TJP2: variants seen among roughly 807,000 people sequenced by gnomAD.
The protein encoded by TJP2 is tight junction protein 2.
In TJP2, 91 loss-of-function variants were observed where a neutral mutation model predicts 133.1. That is an observed-to-expected ratio of 0.68 (90% CI 0.58 to 0.81). TJP2 has a LOEUF of 0.81. Ranked by LOEUF, TJP2 falls within the 40% of genes least tolerant of loss-of-function variation. TJP2 has a pLI of 0.00. For synonymous variants in TJP2, 592 were observed against 583.4 expected, an observed-to-expected ratio of 1.01 and a Z score of -0.21; for missense variants, 1,541 against 1,565.6, an observed-to-expected ratio of 0.98 and a Z score of 0.26.
chr9:69,133,546 CTTTT>C (rs10577570), intron 1 of TJP2, among the ~76,000 whole-genome samples: 3 of 104,782 alleles, frequency 2.9e-5, no homozygotes, highest in Admixed American at 1.1e-4. Context: ...ATTTTTCTGG[CTTTT>C]TTTTTTTTTT....
At chr9:69,135,231 A>T (rs909467121) in intron 1 of TJP2, among the ~76,000 whole-genome samples, 2 of 152,184 alleles carry the variant, frequency 1.3e-5, no homozygotes, top group African/African-American at 4.8e-5. Flanking sequence ...CACTCTTAAT[A>T]GCTCTTTGAA....
chr9:69,168,979 T>C (rs996536817), intron 2 of TJP2, among the ~76,000 whole-genome samples: 6 of 150,790 alleles, frequency 4.0e-5, no homozygotes, highest in African/African-American at 1.5e-4. Context: ...AACTGGTGTT[T>C]GGACTGAGGA....
chr9:69,253,936 G>A (rs888055551), intron 22 of TJP2: 4 of 495,414 alleles, frequency 8.1e-6, no homozygotes, highest in South Asian at 4.1e-5. Context: ...AGGGAGCTTA[G>A]GGGTAAGGAG....
intron 17 of TJP2, among the ~76,000 whole-genome samples, chr9:69,240,848 G>A (rs1246671855): frequency 6.6e-6 from 1 of 151,542 alleles, no homozygotes; most frequent in Non-Finnish European, 1.5e-5. Flanking sequence ...TCTGAATATT[G>A]GATGATTTAA....
At chr9:69,226,285 A>G in intron 7 of TJP2, 110 bp downstream of exon 7, 1 of 1,229,284 alleles carries the variant, frequency 8.1e-7, no homozygotes, top group Non-Finnish European at 1.2e-6. Flanking sequence ...CTAAGGAAAG[A>G]CCCCTTGAAA....
chr9:69,216,163 A>G (rs1208182223), intron 2 of TJP2, among the ~76,000 whole-genome samples, 176 bp from the exon 3 acceptor site: 2 of 152,052 alleles, frequency 1.3e-5, no homozygotes, highest in Admixed American at 6.5e-5. Flanking sequence ...CCCTTTATAA[A>G]CCTGTCAGCT....
At position 69,236,140 on chromosome 9, in the gene TJP2, C is replaced by T. The variant is rs1830171532; in HGVS notation, c.1893C>T (p.Phe631=). Residue 631 remains phenylalanine, a synonymous_variant, in exon 13 of 23, where the codon TTC becomes TTT. Coordinates refer to ENST00000377245, the MANE Select transcript of TJP2 (RefSeq NM_004817.4). ...QSLAFTRGEV[F]RVVDTLYDGK... is the part of the protein sequence containing the mutation. ...TGGCCTTCACCAGAGGGGAGGTCTT[C>T]CGAGTGGTAGACACACTGTATGACG... 1 of 1,614,126 alleles carries T rather than the reference C, an allele frequency of 6.2e-7. No homozygotes were observed. Among genetic ancestry groups the T allele is most frequent in the Non-Finnish European group, 8.5e-7 (1 of 1,180,022 alleles).
At chr9:69,166,196 T>C (rs546052174) in intron 2 of TJP2, among the ~76,000 whole-genome samples, 5 of 152,156 alleles carry the variant, frequency 3.3e-5, no homozygotes, top group Non-Finnish European at 7.3e-5. Flanking sequence ...AGGCAGCCTC[T>C]GCTTTCCAGG....
rs574198013 is a variant in TJP2, at chr9:69,186,534, G to A, written c.60+12102G>A. Among the ~76,000 whole-genome samples, 163 of 152,246 alleles carry A rather than the reference G, an allele frequency of 1.1e-3. 3 individuals carry two copies. In the South Asian group the frequency reaches 0.033, roughly 31 times the overall value. On this transcript the variant is annotated intron_variant, in intron 1 of 22. Transcript: ENST00000377245. ...TCTCTTTTTCTCCAGACTTTTAGTC[G>A]GCCAGGGCTAACAATGGATGTCCAA...
rs777565141 is a variant in TJP2 at position 69,236,934 on chromosome 9, G to A, written c.1992-15G>A. ...TTCTGGCTTTAGAGATTTACTTCCC[G>A]TGGTTTCTTCTCAGAGCTGAACAAA... On this transcript the variant is annotated splice_polypyrimidine_tract_variant and intron_variant, in intron 13 of 22. Transcript: ENST00000377245. The A allele has an allele frequency of 1.4e-5, 22 of 1,613,900 alleles. No individual in the cohort carries two copies. Among genetic ancestry groups the A allele is most frequent in the Admixed American group, 1.2e-4 (7 of 60,002 alleles).
intron 1 of TJP2, among the ~76,000 whole-genome samples, chr9:69,209,829 C>T (rs1171368002): frequency 6.6e-6 from 1 of 152,016 alleles, no homozygotes; most frequent in East Asian, 1.9e-4. Flanking sequence ...TGTGCTTCCA[C>T]ATATTGGAAA....
intron 11 of TJP2, among the ~76,000 whole-genome samples, chr9:69,232,290 G>T (rs1190166629): frequency 2.6e-5 from 4 of 152,170 alleles, no homozygotes; most frequent in Non-Finnish European, 1.5e-5. Context: ...CTAGAAAGGG[G>T]TGAAAAAGAT....
At chr9:69,140,051 T>C (rs932523139) in intron 1 of TJP2, among the ~76,000 whole-genome samples, 10 of 152,202 alleles carry the variant, frequency 6.6e-5, no homozygotes, top group Admixed American at 1.3e-4. Context: ...CTGGCCTCCT[T>C]CTTTCCTCCT....
intron 2 of TJP2, among the ~76,000 whole-genome samples, chr9:69,157,470 GT>G (rs71354319): frequency 2.3e-4 from 34 of 145,298 alleles, no homozygotes; most frequent in Non-Finnish European, 2.9e-4. Flanking sequence ...TGCAGAGTTG[GT>G]TTTTTTTTTT....
rs1804895 is a variant in TJP2 at position 69,255,103 on chromosome 9, G to A, written c.*729G>A. On this transcript the variant is annotated 3_prime_UTR_variant, in exon 23 of 23. Coordinates refer to ENST00000377245, the MANE Select transcript of TJP2 (RefSeq NM_004817.4). Reference sequence around the variant, plus strand: ...ATTTGTTGTTTGTTTAAACCCAAGTGCTGCACAAAAGCAGATACTTGAGGA... The same window carrying A: ...ATTTGTTGTTTGTTTAAACCCAAGTACTGCACAAAAGCAGATACTTGAGGA... The A allele has an allele frequency of 8.2e-3, 1,265 of 153,378 alleles. 16 individuals carry two copies. The highest frequency in any genetic ancestry group is 0.013 in the Non-Finnish European group (917 of 68,796). The allele number at this position is 153,378 out of a possible 1,614,324, so 9.5% of individuals were successfully genotyped here.
At chr9:69,170,617 G>C (rs1824627277), upstream of TJP2, among the ~76,000 whole-genome samples, 1 of 152,156 alleles carries the variant, frequency 6.6e-6, no homozygotes, top group Non-Finnish European at 1.5e-5. Flanking sequence ...GCCAAGATAA[G>C]CAGTGGTCCT....
chr9:69,228,533 T>C (rs140581691), intron 9 of TJP2, among the ~76,000 whole-genome samples: 3 of 152,310 alleles, frequency 2.0e-5, no homozygotes, highest in Non-Finnish European at 4.4e-5. Flanking sequence ...TATACACATA[T>C]ATGTAAATAC....
At chr9:69,223,123 T>C in intron 5 of TJP2, among the ~76,000 whole-genome samples, 1 of 146,756 alleles carries the variant, frequency 6.8e-6, no homozygotes, top group Non-Finnish European at 1.5e-5. Context: ...AGAGTCTCTA[T>C]GTTAATAAGC....
upstream of TJP2, among the ~76,000 whole-genome samples, chr9:69,170,647 A>C (rs181077319): frequency 9.7e-4 from 147 of 152,296 alleles, no homozygotes; most frequent in African/African-American, 2.7e-3. Context: ...GAACATCATC[A>C]GTTCTTACCT....
Sources: allele counts gnomAD v4.1 joint callset (sites outside exome capture counted in the v4.1 genomes callset), GRCh38; gene constraint gnomAD v4.1.1; transcripts MANE v1.5; gene names NCBI Gene and HGNC (gene_info 2026-07-23, HGNC 2026-07-21).